The following WWP1 variants were observed in gnomAD, a reference collection of about 807,000 sequenced individuals.
The protein encoded by WWP1 is NEDD4-like E3 ubiquitin-protein ligase WWP1.
Under a neutral mutation model 130.6 loss-of-function variants are expected in WWP1, and 49 were observed. The ratio of observed to expected loss-of-function variants is 0.38; its 90% confidence interval spans 0.30 to 0.48. The LOEUF (loss-of-function observed/expected upper bound fraction) is 0.48. Ranked by LOEUF, WWP1 falls within the 20% of genes least tolerant of loss-of-function variation. WWP1 has a pLI of 0.99. For missense variants in WWP1, 809 were observed against 1,100.6 expected, an observed-to-expected ratio of 0.74 and a Z score of 3.75; for synonymous variants, 332 against 367.8, an observed-to-expected ratio of 0.90 and a Z score of 1.11.
chr8:86,351,369 A>G (rs1041693137), intron 1 of WWP1, among the ~76,000 whole-genome samples: 2 of 152,104 alleles, frequency 1.3e-5, no homozygotes, highest in Non-Finnish European at 2.9e-5. Context: ...GGTCTCCGAC[A>G]GCTCTGTCTC....
chr8:86,465,674 T>C (rs1383208262), intron 24 of WWP1, among the ~76,000 whole-genome samples: 2 of 152,116 alleles, frequency 1.3e-5, no homozygotes, highest in Non-Finnish European at 2.9e-5. Flanking sequence ...ATGACAGAAT[T>C]TGGCAAAGGC....
intron 5 of WWP1, among the ~76,000 whole-genome samples, chr8:86,396,908 A>T (rs926434786): frequency 1.3e-5 from 2 of 152,070 alleles, no homozygotes; most frequent in Admixed American, 6.6e-5. Flanking sequence ...CTTAATTTTT[A>T]AATTTTTTAG....
chr8:86,398,611 G>T lies in WWP1; in HGVS notation c.512G>T (p.Gly171Val). The T allele has an allele frequency of 6.2e-7, 1 of 1,612,502 alleles. No individual in the cohort carries two copies. Among genetic ancestry groups the T allele is most frequent in the South Asian group, 1.1e-5 (1 of 90,940 alleles). The change falls in exon 7 of 25, where the codon GGA (glycine) becomes GTA (valine). Residue 171 changes from glycine (G) to valine (V), a missense_variant. Physicochemically the swap from Gly to Val is moderately radical, Grantham distance 109 (BLOSUM62 -3). Transcript: ENST00000517970. ...QENGDALHEN[G>V]EPSARTTARL... is the part of the protein sequence containing the mutation. ...AATGGTGATGCCTTACATGAAAATGGAGAGCCTTCAGCAAGGACAACTGCC... is the reference window on the plus strand; with the variant it reads ...AATGGTGATGCCTTACATGAAAATGTAGAGCCTTCAGCAAGGACAACTGCC...
intron 14 of WWP1, among the ~76,000 whole-genome samples, 190 bp from the exon 15 acceptor site, chr8:86,435,262 T>A (rs752484822): frequency 4.6e-5 from 7 of 152,230 alleles, no homozygotes; most frequent in African/African-American, 9.6e-5. Context: ...TGTGTATATG[T>A]GTGTCCTGTT....
At chr8:86,466,754 T>C (rs1812190263) in intron 24 of WWP1, 40 bp from the exon 25 acceptor site, 1 of 1,366,042 alleles carries the variant, frequency 7.3e-7, no homozygotes, top group African/African-American at 1.5e-5. Flanking sequence ...TTTTTTTCAT[T>C]TTATTGAAAA....
chr8:86,436,103 C>T (rs1183835135), intron 16 of WWP1, among the ~76,000 whole-genome samples: 1 of 152,172 alleles, frequency 6.6e-6, no homozygotes, highest in Non-Finnish European at 1.5e-5. Flanking sequence ...TTTCATTCGT[C>T]CTCACAGCAT....
At chr8:86,448,604 C>T in intron 20 of WWP1, 91 bp downstream of exon 20, 1 of 1,292,106 alleles carries the variant, frequency 7.7e-7, no homozygotes, top group Non-Finnish European at 1.0e-6. Flanking sequence ...CCTTTTCATG[C>T]CTTTGGGAAG....
intron 21 of WWP1, among the ~76,000 whole-genome samples, chr8:86,457,572 T>C (rs976639024): frequency 6.6e-6 from 1 of 151,422 alleles, no homozygotes; most frequent in African/African-American, 2.4e-5. Context: ...GATATAAATC[T>C]ATATATATAG....
chr8:86,345,008 A>G (rs1232028427), intron 1 of WWP1, among the ~76,000 whole-genome samples: 1 of 152,170 alleles, frequency 6.6e-6, no homozygotes, highest in Non-Finnish European at 1.5e-5. Flanking sequence ...AGTGGGATAG[A>G]GGTCTGTAGT....
chr8:86,342,915 G>C lies in WWP1; in HGVS notation c.-130G>C, dbSNP rs1201807342. On this transcript the variant is annotated 5_prime_UTR_variant, in exon 1 of 25. Coordinates refer to ENST00000517970, the MANE Select transcript of WWP1 (RefSeq NM_007013.4). ...CGTGGCCGCCCGGCTGCCGGGAGCC[G>C]ACAGCTTCGCGCCGGGTAAGGACGG... 2 of 293,966 alleles carry C rather than the reference G, an allele frequency of 6.8e-6. No homozygotes were observed. Among genetic ancestry groups the C allele is most frequent in the African/African-American group, 4.5e-5 (2 of 44,634 alleles). 18.2% of individuals were successfully genotyped at this position (293,966 alleles called of 1,614,324 possible).
rs114425827 is a variant in WWP1 at position 86,390,828 on chromosome 8, A to T, written c.335-7514A>T. 5.0e-3 allele frequency among the ~76,000 whole-genome samples: 766 copies of T among 152,242 alleles called. 5 individuals are homozygous for T. The highest frequency in any genetic ancestry group is 0.018 in the African/African-American group (739 of 41,550). On this transcript the variant is annotated intron_variant, in intron 5 of 24. Coordinates refer to ENST00000517970, the MANE Select transcript of WWP1 (RefSeq NM_007013.4). ...GAACCCAATAGTCTACCATATCAGA[A>T]TAGATTTTGCAGTTATTGAGGTCAT...
At chr8:86,458,549 AT>A (rs1335402029) in intron 22 of WWP1, among the ~76,000 whole-genome samples, 1 of 152,200 alleles carries the variant, frequency 6.6e-6, no homozygotes, top group Non-Finnish European at 1.5e-5. Context: ...AATCTTGAAC[AT>A]TTTATTTTAA....
chr8:86,433,021 G>T (rs2130685865), intron 14 of WWP1, among the ~76,000 whole-genome samples: 1 of 152,270 alleles, frequency 6.6e-6, no homozygotes, highest in South Asian at 2.1e-4. Flanking sequence ...CCCTGACACT[G>T]AATTTGCAAG....
intron 17 of WWP1, among the ~76,000 whole-genome samples, chr8:86,439,971 T>C (rs527698966): frequency 6.6e-6 from 1 of 152,208 alleles, no homozygotes; most frequent in African/African-American, 2.4e-5. Flanking sequence ...AGTAATAATA[T>C]ATGTGGAATT....
At chr8:86,376,518 G>A (rs971948876) in intron 3 of WWP1, among the ~76,000 whole-genome samples, 1 of 152,046 alleles carries the variant, frequency 6.6e-6, no homozygotes, top group African/African-American at 2.4e-5. Flanking sequence ...GCAGTGAGCC[G>A]AGATGGCGTC....
At chr8:86,416,523 C>A (rs1035643849) in intron 9 of WWP1, among the ~76,000 whole-genome samples, 15 of 151,956 alleles carry the variant, frequency 9.9e-5, no homozygotes, top group African/African-American at 3.6e-4. Flanking sequence ...CCCAGTCGTT[C>A]ACCAAATTTT....
chr8:86,401,375 C>T (rs1807969899), intron 7 of WWP1, among the ~76,000 whole-genome samples: 2 of 151,896 alleles, frequency 1.3e-5, no homozygotes, highest in African/African-American at 4.8e-5. Context: ...GCCTGGGCAA[C>T]AAAGGGAGAT....
intron 21 of WWP1, among the ~76,000 whole-genome samples, chr8:86,457,553 ACAC>A (rs748443475): frequency 1.1e-4 from 16 of 151,882 alleles, no homozygotes; most frequent in Non-Finnish European, 1.5e-4. Context: ...AGATACACAC[ACAC>A]ATTTAGATAT....
intron 8 of WWP1, among the ~76,000 whole-genome samples, chr8:86,408,519 G>A (rs985348239): frequency 4.6e-5 from 7 of 152,192 alleles, no homozygotes; most frequent in Non-Finnish European, 8.8e-5. Context: ...TGCATTTCAA[G>A]GAGAGTTGTT....
Sources: allele counts gnomAD v4.1 joint callset (sites outside exome capture counted in the v4.1 genomes callset), GRCh38; gene constraint gnomAD v4.1.1; transcripts MANE v1.5; gene names NCBI Gene and HGNC (gene_info 2026-07-23, HGNC 2026-07-21).